STARD3: variants seen among roughly 807,000 people sequenced by gnomAD.
The protein encoded by STARD3 is stAR-related lipid transfer protein 3.
In STARD3, 39 loss-of-function variants were observed where a neutral mutation model predicts 62.0. The ratio of observed to expected loss-of-function variants is 0.63; its 90% confidence interval spans 0.49 to 0.82. The LOEUF is 0.82. Ranked by LOEUF, STARD3 falls within the 40% of genes least tolerant of loss-of-function variation. The probability of loss-of-function intolerance (pLI) is 0.00; values close to 1 mark genes in which losing one functional copy is unlikely to be tolerated. For missense variants in STARD3, 543 were observed against 584.5 expected (o/e 0.93, Z 0.73); for synonymous variants, 229 against 242.4 (o/e 0.94, Z 0.51).
chr17:39,660,823 T>A lies in STARD3; in HGVS notation c.968T>A (p.Val323Glu). Reference protein sequence around the residue: ...TVTACQILQRVEDNTLISYDV... With the variant: ...TVTACQILQREEDNTLISYDV... Reference sequence around the variant, plus strand: ...GACGGCCCTCAGATCCTGCAGCGAGTGGAAGACAACACCCTCATCTCCTAT... The same window carrying A: ...GACGGCCCTCAGATCCTGCAGCGAGAGGAAGACAACACCCTCATCTCCTAT... The change falls in exon 12 of 15, where the codon GTG (valine) becomes GAG (glutamate). Residue 323 changes from valine to glutamate, a missense_variant. Coordinates refer to ENST00000336308, the MANE Select transcript of STARD3 (RefSeq NM_006804.4). This position sits in a 1 kb window ranked among gnomAD's most constrained non-coding sequence, Gnocchi z 4.8. 6.3e-7 allele frequency: 1 copy of A among 1,587,620 alleles called. No homozygotes were observed. The highest frequency in any genetic ancestry group is 1.2e-5 in the South Asian group (1 of 86,850).
chr17:39,660,577 C>G lies in STARD3; in HGVS notation c.954+51C>G. 1 of 1,589,418 alleles carries G rather than the reference C, an allele frequency of 6.3e-7. No individual in the cohort carries two copies. ...AGGCACAGATGGGGGCACAGCCACG[C>G]CTCAGTGGGATCACTGAAGCACTCA... is the stretch of plus-strand genomic sequence containing the variant. On this transcript the variant is annotated intron_variant, in intron 11 of 14. Transcript: ENST00000336308. This position sits in a 1 kb window ranked among gnomAD's most constrained non-coding sequence, Gnocchi z 4.8.
rs1212139256 is a variant in STARD3 at position 39,653,679 on chromosome 17, C to T, written c.148C>T (p.Arg50Cys). 5.0e-6 allele frequency: 8 copies of T among 1,614,084 alleles called. No individual in the cohort carries two copies. The African/African-American group carries it at 5.3e-5, about 11-fold the overall frequency. ...PEKRRAISDV[R>C]RTFCLFVTFD... Reference sequence around the variant, plus strand: ...GAAGCGAAGGGCCATCTCTGATGTCCGCCGCACCTTCTGTCTCTTCGTCAC... The same window carrying T: ...GAAGCGAAGGGCCATCTCTGATGTCTGCCGCACCTTCTGTCTCTTCGTCAC... The change falls in exon 2 of 15, where the codon CGC becomes TGC. Residue 50 changes from arginine to cysteine, a missense_variant. By Grantham distance (180) the Arg-to-Cys change is radical. Coordinates refer to ENST00000336308, the MANE Select transcript of STARD3 (RefSeq NM_006804.4).
chr17:39,654,291 G>A (rs1161108417), intron 2 of STARD3, among the ~76,000 whole-genome samples: 3 of 152,172 alleles, frequency 2.0e-5, no homozygotes, highest in East Asian at 1.9e-4. Flanking sequence ...TGTCCCAGCC[G>A]TTTGGGAGTC....
chr17:39,663,071 G>T lies in STARD3; in HGVS notation c.*163G>T. 1 of 693,282 alleles carries T rather than the reference G, an allele frequency of 1.4e-6. No homozygotes were observed. Among genetic ancestry groups the T allele is most frequent in the East Asian group, 3.2e-5 (1 of 31,006 alleles). The allele number at this position is 693,282 out of a possible 1,614,324, so 42.9% of individuals were successfully genotyped here. On this transcript the variant is annotated 3_prime_UTR_variant, in exon 15 of 15. Transcript: ENST00000336308. ...GGAGTTGACTGACTGAGCAGGCTGT[G>T]GGGTGGAGCACTGGACTCCGGGGCC...
Position 39,657,081 on chromosome 17 carries a change from TC to T in STARD3, c.294del (p.Phe99LeufsTer13). On this transcript the variant is annotated frameshift_variant, in exon 3 of 15. Transcript: ENST00000336308. LOFTEE classifies it high-confidence loss of function. ...QYNFKTSFFD[I>X]FVLAFFRFSG... ...AACTTTAAAACTTCCTTCTTCGACATCTTTGTGAGTGGCCTTGGCTGATCCT... is the reference window on the plus strand; with the variant it reads ...AACTTTAAAACTTCCTTCTTCGACATTTTGTGAGTGGCCTTGGCTGATCCT... The T allele has an allele frequency of 1.2e-6, 2 of 1,614,020 alleles. No homozygotes were observed. The highest frequency in any genetic ancestry group is 1.7e-6 in the Non-Finnish European group (2 of 1,179,974).
rs769000375 is a variant in STARD3 at position 39,662,313 on chromosome 17, C to T, written c.1202C>T (p.Thr401Ile). The change falls in exon 14 of 15, where the codon ACC becomes ATC. Residue 401 changes from threonine (T) to isoleucine (I), a missense_variant. Thr to Ile is a moderately conservative substitution (Grantham distance 89). Coordinates refer to ENST00000336308, the MANE Select transcript of STARD3 (RefSeq NM_006804.4). ...TCGGCCAGTAACCCCCGTGTTTGCA[C>T]CTTTGTCTGGATTCTTAATACAGAT... The part of the protein sequence containing the change: ...LKSASNPRVC[T>I]FVWILNTDLK... 2 of 1,613,992 alleles carry T rather than the reference C, an allele frequency of 1.2e-6. No homozygotes were observed. The highest frequency in any genetic ancestry group is 4.5e-5 in the East Asian group (2 of 44,864).
chr17:39,653,509 C>A lies in STARD3; in HGVS notation c.-23C>A. The A allele has an allele frequency of 6.3e-7, 1 of 1,599,362 alleles. No homozygotes were observed. The highest frequency in any genetic ancestry group is 8.5e-7 in the Non-Finnish European group (1 of 1,179,030). On this transcript the variant is annotated 5_prime_UTR_variant, in exon 2 of 15. Coordinates refer to ENST00000336308, the MANE Select transcript of STARD3 (RefSeq NM_006804.4). ...TGCTGCTGAGGCCGCGCCCTCCCCG[C>A]CCTGAGGTGGGGGCCCACCAGGATG...
rs1287577073 is a variant in STARD3, at chr17:39,663,469, T to A, written c.*561T>A. On this transcript the variant is annotated 3_prime_UTR_variant, in exon 15 of 15. Transcript: ENST00000336308. ...ATTAAGCCAATTAAAAACATGAATT[T>A]AAAAAAAAAAAAAAATTCCAGCCCC... 9.1e-4 allele frequency: 132 copies of A among 144,316 alleles called. No homozygotes were observed. The highest frequency in any genetic ancestry group is 1.5e-3 in the Admixed American group (21 of 14,360). The allele number at this position is 144,316 out of a possible 1,614,324, so 8.9% of individuals were successfully genotyped here.
chr17:39,649,182 G>A (rs2057054224), intron 1 of STARD3, among the ~76,000 whole-genome samples: 1 of 152,210 alleles, frequency 6.6e-6, no homozygotes, highest in African/African-American at 2.4e-5. Context: ...GGGCTGTGGG[G>A]AAACAGGCAT....
intron 13 of STARD3, 62 bp from the exon 14 acceptor site, chr17:39,662,189 G>GC: frequency 4.1e-6 from 6 of 1,470,188 alleles, no homozygotes; most frequent in Non-Finnish European, 5.6e-6. Flanking sequence ...GGTAGGGGCT[G>GC]CGGGGGGGTG....
chr17:39,648,952 A>T (rs1387539190), intron 1 of STARD3, among the ~76,000 whole-genome samples: 1 of 152,124 alleles, frequency 6.6e-6, no homozygotes, highest in African/African-American at 2.4e-5. Flanking sequence ...ACAGACACAG[A>T]AGTAGACTGG....
chr17:39,642,274 C>T (rs1387760450), intron 1 of STARD3, among the ~76,000 whole-genome samples: 2 of 152,332 alleles, frequency 1.3e-5, no homozygotes, highest in South Asian at 2.1e-4. Context: ...ACTCACCTTA[C>T]GTCTTCTCCC....
At chr17:39,649,806 C>T (rs1410636969) in intron 1 of STARD3, among the ~76,000 whole-genome samples, 1 of 141,278 alleles carries the variant, frequency 7.1e-6, no homozygotes, top group Non-Finnish European at 1.5e-5. Flanking sequence ...GTGGAGGTTG[C>T]AGTGAGCTGG....
At chr17:39,655,587 C>T (rs1229745907) in intron 2 of STARD3, among the ~76,000 whole-genome samples, 3 of 152,186 alleles carry the variant, frequency 2.0e-5, no homozygotes, top group Non-Finnish European at 1.5e-5. Context: ...ATCTAACTTA[C>T]TAATTGTTTT....
rs112030354 is a variant in STARD3, at chr17:39,642,599, AG to A, written c.-52+5370del. On this transcript the variant is annotated intron_variant, in intron 1 of 14. Coordinates refer to ENST00000336308, the MANE Select transcript of STARD3 (RefSeq NM_006804.4). ...GGGCATGCAGCAGGGAGCAAAGCAC[AG>A]GAAGTCCTTACTTTCATGGAGTTCG... 6.7e-3 allele frequency among the ~76,000 whole-genome samples: 1,013 copies of A among 152,326 alleles called. 8 individuals are homozygous for A. The highest frequency in any genetic ancestry group is 0.022 in the African/African-American group (901 of 41,558).
At chr17:39,659,402 C>T (rs1371956844) in intron 8 of STARD3, 59 bp from the exon 9 acceptor site, 37 of 1,535,276 alleles carry the variant, frequency 2.4e-5, no homozygotes, top group Non-Finnish European at 3.1e-5. Flanking sequence ...GAACAGGCCA[C>T]GAACATGGTG....
At chr17:39,651,225 G>T (rs1015259172) in intron 1 of STARD3, among the ~76,000 whole-genome samples, 1 of 152,224 alleles carries the variant, frequency 6.6e-6, no homozygotes, top group Non-Finnish European at 1.5e-5. Flanking sequence ...GTTCCTGTTT[G>T]TGGGGGCTTG....
intron 14 of STARD3, 70 bp from the exon 15 acceptor site, chr17:39,662,734 G>T: frequency 8.4e-6 from 12 of 1,432,900 alleles, no homozygotes; most frequent in Non-Finnish European, 1.1e-5. Flanking sequence ...CCCCCTGCTG[G>T]TGCCAGCTGC....
Position 39,661,055 on chromosome 17 carries a change from G to A in STARD3, c.1109G>A (p.Ser370Asn). Residue 370 changes from serine to asparagine, a missense_variant, in exon 13 of 15, where the codon AGT (serine) becomes AAT (asparagine). Ser to Asn is a conservative substitution (Grantham distance 46). Coordinates refer to ENST00000336308, the MANE Select transcript of STARD3 (RefSeq NM_006804.4). ...TCATCAGGGATCGCCACCTCACACA[G>A]TGCCAAGCCCCCGACGCACAAATAT... Reference protein sequence around the residue: ...YLSSGIATSHSAKPPTHKYVR... With the variant: ...YLSSGIATSHNAKPPTHKYVR... 6.2e-7 allele frequency: 1 copy of A among 1,613,708 alleles called. No individual in the cohort carries two copies. The highest frequency in any genetic ancestry group is 1.3e-5 in the African/African-American group (1 of 75,052).
Sources: gnomAD v4.1 joint callset for allele counts (sites outside exome capture counted in the v4.1 genomes callset) on GRCh38, gnomAD v4.1.1 for gene constraint, Gnocchi (gnomAD v3.1) non-coding constraint, MANE v1.5 for transcripts, NCBI Gene and HGNC (gene_info 2026-07-23, HGNC 2026-07-21) for gene names.